Variants in KIF26B observed in about 807,000 individuals in gnomAD.
KIF26B encodes the protein kinesin family member 26B.
In KIF26B, 63 loss-of-function variants were observed where a neutral mutation model predicts 151.2. That is an observed-to-expected ratio of 0.42 (90% CI 0.34 to 0.51). KIF26B has a LOEUF of 0.51. Among genes scored for constraint, KIF26B ranks in the 20% least tolerant of loss-of-function variants. The pLI is 0.07. For missense variants in KIF26B, 2,813 were observed against 2,913.6 expected (o/e 0.97, Z 0.79); for synonymous variants, 1,357 against 1,262.1 (o/e 1.08, Z -1.59).
intron 2 of KIF26B, among the ~76,000 whole-genome samples, chr1:245,286,874 G>A (rs1244034832): frequency 3.3e-5 from 5 of 152,134 alleles, no homozygotes; most frequent in Non-Finnish European, 7.4e-5. Flanking sequence ...TTGGGAGGCC[G>A]AGATAAGCAG....
intron 3 of KIF26B, among the ~76,000 whole-genome samples, chr1:245,417,557 A>G (rs1374146393): frequency 6.6e-6 from 1 of 152,088 alleles, no homozygotes; most frequent in African/African-American, 2.4e-5. Flanking sequence ...AGGCTTGGGA[A>G]TTTGGTGTCT....
At chr1:245,206,287 T>C (rs1021242716) in intron 2 of KIF26B, among the ~76,000 whole-genome samples, 15 of 152,218 alleles carry the variant, frequency 9.9e-5, no homozygotes, top group Admixed American at 6.5e-5. Context: ...ATGTGAAGCC[T>C]CAGCTGTCAC....
chr1:245,310,967 G>A (rs987977680), intron 2 of KIF26B, among the ~76,000 whole-genome samples: 1 of 152,090 alleles, frequency 6.6e-6, no homozygotes, highest in Non-Finnish European at 1.5e-5. Flanking sequence ...GTTGTTTGAC[G>A]CTACACTCTG....
chr1:245,304,865 C>G (rs528035803), intron 2 of KIF26B, among the ~76,000 whole-genome samples: 3 of 151,802 alleles, frequency 2.0e-5, no homozygotes, highest in African/African-American at 7.3e-5. Flanking sequence ...ACGAGACAGA[C>G]CCATCTTTAA....
chr1:245,253,580 C>T (rs939152654), intron 2 of KIF26B, among the ~76,000 whole-genome samples: 2 of 151,942 alleles, frequency 1.3e-5, no homozygotes, highest in African/African-American at 2.4e-5. Flanking sequence ...TCTTTTTCTA[C>T]TCTCTGAAGA....
At chr1:245,675,049 G>A (rs915798244) in intron 10 of KIF26B, among the ~76,000 whole-genome samples, 3 of 152,196 alleles carry the variant, frequency 2.0e-5, no homozygotes, top group Non-Finnish European at 2.9e-5. Context: ...AATACTCATG[G>A]CTACAATTTA....
chr1:245,671,042 G>T (rs1308958308), intron 10 of KIF26B, among the ~76,000 whole-genome samples: 1 of 151,960 alleles, frequency 6.6e-6, no homozygotes, highest in African/African-American at 2.4e-5. Flanking sequence ...TACTCTCTAT[G>T]CCCATGAGTT....
At chr1:245,647,406 C>T (rs995101966) in intron 10 of KIF26B, among the ~76,000 whole-genome samples, 3 of 111,062 alleles carry the variant, frequency 2.7e-5, no homozygotes, top group Non-Finnish European at 3.3e-5. Context: ...GCCTGGGCAA[C>T]AGAGCGAGAC....
intron 2 of KIF26B, among the ~76,000 whole-genome samples, chr1:245,246,956 CACACACAG>C (rs1432261440): frequency 6.6e-6 from 1 of 151,018 alleles, no homozygotes; most frequent in African/African-American, 2.4e-5. Context: ...GACACACACA[CACACACAG>C]ACACAGACAC....
At chr1:245,414,780 C>G (rs1674377257) in intron 3 of KIF26B, among the ~76,000 whole-genome samples, 1 of 152,228 alleles carries the variant, frequency 6.6e-6, no homozygotes, top group Non-Finnish European at 1.5e-5. Flanking sequence ...ACATTTGTCT[C>G]TGGCTGACTA....
At chr1:245,680,270 C>A (rs1003233692) in intron 10 of KIF26B, among the ~76,000 whole-genome samples, 1 of 152,080 alleles carries the variant, frequency 6.6e-6, no homozygotes, top group African/African-American at 2.4e-5. Context: ...TTCTATGCAC[C>A]ATGTTTTACT....
intron 2 of KIF26B, among the ~76,000 whole-genome samples, chr1:245,272,556 G>A (rs1573745726): frequency 6.6e-6 from 1 of 151,322 alleles, no homozygotes; most frequent in African/African-American, 2.4e-5. Context: ...CCTTCCATCT[G>A]CTAACTTTGG....
chr1:245,521,974 A>T (rs989187025), intron 4 of KIF26B, among the ~76,000 whole-genome samples: 5 of 151,128 alleles, frequency 3.3e-5, no homozygotes, highest in Non-Finnish European at 7.4e-5. Context: ...TGTTCACGCC[A>T]TTCTCCTGCC....
At position 245,235,417 on chromosome 1, in the gene KIF26B, T is replaced by A. The variant is rs539135780; in HGVS notation, c.465+78734T>A. Among the ~76,000 whole-genome samples, 318 of 151,600 alleles carry A rather than the reference T, an allele frequency of 2.1e-3. 2 individuals are homozygous for A. The highest frequency in any genetic ancestry group is 0.014 in the Middle Eastern group (4 of 292). On this transcript the variant is annotated intron_variant, in intron 2 of 14. Coordinates refer to ENST00000407071, the MANE Select transcript of KIF26B (RefSeq NM_018012.4). The stretch of plus-strand genomic sequence containing the variant: ...GACCAGTCTCGGCAACATAGCAAGA[T>A]CCTTTCCTTAAAAAAAAAAAGAAAA...
At position 245,661,715 on chromosome 1, in the gene KIF26B, AC is replaced by A. The variant is rs1553301705; in HGVS notation, c.2258+15437del. On this transcript the variant is annotated intron_variant, in intron 10 of 14. Transcript: ENST00000407071. ...CAATGTTATACATATATACACACACACCACCAATATATATACACCCAGTGTT... is the reference window on the plus strand; with the variant it reads ...CAATGTTATACATATATACACACACACACCAATATATATACACCCAGTGTT... 1.2e-3 allele frequency among the ~76,000 whole-genome samples: 19 copies of A among 15,872 alleles called. 1 individual carries two copies. The East Asian group carries it at 0.093, about 78-fold the overall frequency. The allele number at this position is 15,872 out of a possible 152,430, so 10.4% of individuals were successfully genotyped here.
chr1:245,552,278 G>A (rs1661905051), intron 5 of KIF26B, among the ~76,000 whole-genome samples: 1 of 151,920 alleles, frequency 6.6e-6, no homozygotes, highest in South Asian at 2.1e-4. Flanking sequence ...GAGTCCAAAG[G>A]CGGGCAGCCG....
intron 4 of KIF26B, among the ~76,000 whole-genome samples, chr1:245,444,015 C>T (rs1659186805): frequency 7.0e-6 from 1 of 142,156 alleles, no homozygotes; most frequent in Admixed American, 7.0e-5. Flanking sequence ...CGGTCATCTC[C>T]CTCACTGTTC....
intron 4 of KIF26B, among the ~76,000 whole-genome samples, chr1:245,517,230 G>A (rs1341725547): frequency 3.3e-5 from 5 of 151,996 alleles, no homozygotes; most frequent in Non-Finnish European, 5.9e-5. Flanking sequence ...GTGGTGACAC[G>A]TGCCCCAGCT....
At chr1:245,676,501 T>G (rs765368775) in intron 10 of KIF26B, 2 of 152,266 alleles carry the variant, frequency 1.3e-5, no homozygotes, top group Non-Finnish European at 2.9e-5. Context: ...TGGAGTTACA[T>G]CATATATTTC....
Sources: allele counts gnomAD v4.1 joint callset (sites outside exome capture counted in the v4.1 genomes callset), GRCh38; gene constraint gnomAD v4.1.1; transcripts MANE v1.5; gene names NCBI Gene and HGNC (gene_info 2026-07-23, HGNC 2026-07-21).